Variants in KDM4C observed in about 807,000 individuals in gnomAD.
The protein encoded by KDM4C is lysine demethylase 4C.
Under a neutral mutation model 129.3 loss-of-function variants are expected in KDM4C, and 81 were observed. The ratio of observed to expected loss-of-function variants is 0.63; its 90% CI spans 0.52 to 0.75. The LOEUF (loss-of-function observed/expected upper bound fraction) is 0.75. Ranked by LOEUF, KDM4C falls within the 30% of genes least tolerant of loss-of-function variation. KDM4C has a pLI of 0.00. For missense variants in KDM4C, 1,457 were observed against 1,304.0 expected, an observed-to-expected ratio of 1.12 and a Z score of -1.81; for synonymous variants, 573 against 456.1, an observed-to-expected ratio of 1.26 and a Z score of -3.26.
chr9:6,833,418 A>G (rs1291378931), intron 4 of KDM4C, among the ~76,000 whole-genome samples: 6 of 152,118 alleles, frequency 3.9e-5, no homozygotes, highest in Admixed American at 3.9e-4. Context: ...TCCCTCCCTG[A>G]TGATATAAAA....
At chr9:6,760,292 T>C (rs1054897291) in intron 1 of KDM4C, among the ~76,000 whole-genome samples, 4 of 152,068 alleles carry the variant, frequency 2.6e-5, no homozygotes, top group Non-Finnish European at 5.9e-5. Context: ...AGTACTTCAT[T>C]CCTTTTAATG....
At chr9:6,879,880 C>A in intron 5 of KDM4C, 132 bp from the exon 6 acceptor site, 1 of 469,818 alleles carries the variant, frequency 2.1e-6, no homozygotes, top group Non-Finnish European at 3.8e-6. Context: ...GCTTTCTAAT[C>A]TCTACTCAGT....
At chr9:7,049,265 A>G (rs1829830315) in intron 17 of KDM4C, 65 bp downstream of exon 17, 4 of 798,192 alleles carry the variant, frequency 5.0e-6, no homozygotes, top group South Asian at 3.3e-5. Flanking sequence ...GAATTTTTCC[A>G]TTAATGCACA....
At chr9:6,867,833 G>A (rs1588827730) in intron 5 of KDM4C, among the ~76,000 whole-genome samples, 4 of 152,096 alleles carry the variant, frequency 2.6e-5, no homozygotes, top group South Asian at 4.2e-4. Flanking sequence ...CCCCTCCCCT[G>A]CACTTCCCCA....
At chr9:7,148,047 C>T (rs1842378182) in intron 19 of KDM4C, among the ~76,000 whole-genome samples, 1 of 152,260 alleles carries the variant, frequency 6.6e-6, no homozygotes, top group Non-Finnish European at 1.5e-5. Flanking sequence ...CCACTGCACA[C>T]AGCAAGGCAT....
At position 7,165,344 on chromosome 9, in the gene KDM4C, C is replaced by T; in HGVS notation, c.2888C>T (p.Ala963Val). The change falls in exon 20 of 22, where the codon GCC (alanine) becomes GTC (valine). Residue 963 changes from alanine to valine, a missense_variant. Physicochemically the swap from Ala to Val is moderately conservative, Grantham distance 64. Coordinates refer to ENST00000381309, the MANE Select transcript of KDM4C (RefSeq NM_015061.6). The stretch of plus-strand genomic sequence containing the variant: ...GCAAAATATTTTGGATCAAATATTG[C>T]CCACATGTACCAGGTGGGTTCTTCC... Reference protein sequence around the residue: ...YGAKYFGSNIAHMYQVEFEDG... With the variant: ...YGAKYFGSNIVHMYQVEFEDG... 6.2e-7 allele frequency: 1 copy of T among 1,613,838 alleles called. No individual in the cohort carries two copies. The highest frequency in any genetic ancestry group is 8.5e-7 in the Non-Finnish European group (1 of 1,179,866).
At chr9:7,097,676 C>T (rs577053775) in intron 17 of KDM4C, among the ~76,000 whole-genome samples, 2 of 152,300 alleles carry the variant, frequency 1.3e-5, no homozygotes, top group South Asian at 4.1e-4. Context: ...CCTCGCCTTG[C>T]CCTGCCAGTC....
intron 17 of KDM4C, among the ~76,000 whole-genome samples, chr9:7,053,348 C>T (rs560630743): frequency 4.5e-4 from 69 of 152,226 alleles, no homozygotes; most frequent in African/African-American, 1.6e-3. Context: ...GTGGCGGATA[C>T]AGGAAAGGAT....
At chr9:6,867,880 A>G (rs1274303247) in intron 5 of KDM4C, among the ~76,000 whole-genome samples, 1 of 152,186 alleles carries the variant, frequency 6.6e-6, no homozygotes, top group African/African-American at 2.4e-5. Flanking sequence ...CTTGTGGGCA[A>G]AATTTCAGTG....
At chr9:6,899,710 G>C (rs1285216211) in intron 8 of KDM4C, among the ~76,000 whole-genome samples, 1 of 152,168 alleles carries the variant, frequency 6.6e-6, no homozygotes, top group African/African-American at 2.4e-5. Flanking sequence ...TGGGATTCAG[G>C]ATATCTGAAA....
chr9:7,064,033 T>C (rs997341658), intron 17 of KDM4C, among the ~76,000 whole-genome samples: 19 of 152,342 alleles, frequency 1.2e-4, no homozygotes, highest in African/African-American at 4.3e-4. Context: ...TCAGTGTTAC[T>C]GAAGAACTGA....
chr9:6,835,813 T>G (rs1438697665), intron 4 of KDM4C, among the ~76,000 whole-genome samples: 1 of 152,110 alleles, frequency 6.6e-6, no homozygotes, highest in Non-Finnish European at 1.5e-5. Flanking sequence ...TGTTTGTACA[T>G]TGTTCTTTTT....
At chr9:7,135,537 C>T (rs1484536472) in intron 19 of KDM4C, among the ~76,000 whole-genome samples, 1 of 152,126 alleles carries the variant, frequency 6.6e-6, no homozygotes, top group African/African-American at 2.4e-5. Context: ...AACCCATGGG[C>T]AGCGGGCACC....
At chr9:7,113,633 C>T (rs960091515) in intron 18 of KDM4C, among the ~76,000 whole-genome samples, 2 of 152,118 alleles carry the variant, frequency 1.3e-5, no homozygotes, top group Admixed American at 6.5e-5. Flanking sequence ...GCATACTCTA[C>T]GAAAGAAGGC....
At chr9:6,866,217 A>T (rs1841949963) in intron 5 of KDM4C, among the ~76,000 whole-genome samples, 1 of 151,448 alleles carries the variant, frequency 6.6e-6, no homozygotes, top group Admixed American at 6.6e-5. Context: ...AAATATGTCT[A>T]CTTAGAGATT....
At chr9:6,784,522 A>G (rs564200372) in intron 1 of KDM4C, among the ~76,000 whole-genome samples, 48 of 152,260 alleles carry the variant, frequency 3.2e-4, no homozygotes, top group Non-Finnish European at 5.7e-4. Context: ...GTGAGCCACC[A>G]CACTCGGCCC....
chr9:6,848,038 T>C (rs940863193), intron 4 of KDM4C, among the ~76,000 whole-genome samples: 2 of 152,114 alleles, frequency 1.3e-5, no homozygotes, highest in Non-Finnish European at 2.9e-5. Flanking sequence ...TTGGTAGACA[T>C]AGATGAATTT....
At chr9:7,104,608 T>C (rs1837471734) in intron 18 of KDM4C, among the ~76,000 whole-genome samples, 1 of 152,224 alleles carries the variant, frequency 6.6e-6, no homozygotes. Flanking sequence ...CTTAGAAATA[T>C]TATGACAGCG....
intron 5 of KDM4C, among the ~76,000 whole-genome samples, chr9:6,878,792 TACCCCCACACCC>T (rs1245143949): frequency 6.6e-6 from 1 of 151,826 alleles, no homozygotes; most frequent in Non-Finnish European, 1.5e-5. Context: ...GGAAGGGACA[TACCCCCACACCC>T]ACACCCACAC....
Sources: gnomAD v4.1 joint callset for allele counts (sites outside exome capture counted in the v4.1 genomes callset) on GRCh38, gnomAD v4.1.1 for gene constraint, MANE v1.5 for transcripts, NCBI Gene and HGNC (gene_info 2026-07-23, HGNC 2026-07-21) for gene names.